RGS12: variants seen among roughly 807,000 people sequenced by gnomAD.
RGS12 encodes the protein regulator of G-protein signaling 12.
A neutral mutation model predicts 120.1 loss-of-function variants in RGS12; 66 were observed. The observed-to-expected ratio is 0.55, with a 90% CI of 0.45 to 0.67. The LOEUF (loss-of-function observed/expected upper bound fraction) is 0.67, where lower values mean the gene tolerates loss of function less well. Ranked by LOEUF, RGS12 falls within the 30% of genes least tolerant of loss-of-function variation. The probability of loss-of-function intolerance (pLI) is 0.00; values close to 1 mark genes in which losing one functional copy is unlikely to be tolerated. For synonymous variants in RGS12, 827 were observed against 804.7 expected, an observed-to-expected ratio of 1.03 and a Z score of -0.47; for missense variants, 1,859 against 1,957.7, an observed-to-expected ratio of 0.95 and a Z score of 0.95.
At chr4:3,371,442 A>G (rs1464546526) in intron 3 of RGS12, among the ~76,000 whole-genome samples, 6 of 152,242 alleles carry the variant, frequency 3.9e-5, no homozygotes. Flanking sequence ...ATCTCAGTGT[A>G]TATCCAGGCA....
At chr4:3,353,442 G>A (rs975768010) in intron 3 of RGS12, among the ~76,000 whole-genome samples, 1 of 152,196 alleles carries the variant, frequency 6.6e-6, no homozygotes, top group Non-Finnish European at 1.5e-5. Context: ...TGTCATCACC[G>A]TGATCCATCT....
upstream of RGS12, among the ~76,000 whole-genome samples, chr4:3,291,798 C>T (rs555379100): frequency 1.3e-5 from 2 of 152,310 alleles, no homozygotes; most frequent in Admixed American, 1.3e-4. Context: ...AAACAGTTCC[C>T]TCCCTGCTGT....
chr4:3,369,939 AC>A, intron 3 of RGS12: 1 of 1,000,944 alleles, frequency 1.0e-6, no homozygotes, highest in Non-Finnish European at 1.2e-6. Context: ...GCTAAAAAAA[AC>A]AAATTCTCTG....
intron 1 of RGS12, among the ~76,000 whole-genome samples, chr4:3,301,564 A>G (rs954830829): frequency 6.6e-6 from 1 of 151,074 alleles, no homozygotes; most frequent in Non-Finnish European, 1.5e-5. Flanking sequence ...CGCCAGGGCC[A>G]GGGATGGAGA....
At chr4:3,383,883 G>A (rs543728913) in intron 3 of RGS12, among the ~76,000 whole-genome samples, 29 of 152,262 alleles carry the variant, frequency 1.9e-4, no homozygotes, top group African/African-American at 7.0e-4. Flanking sequence ...TGGCCTCTGG[G>A]ACACTCCTCT....
intron 1 of RGS12, among the ~76,000 whole-genome samples, chr4:3,305,572 CCATCATGGCAA>C (rs1297853819): frequency 6.6e-6 from 1 of 152,208 alleles, no homozygotes; most frequent in Non-Finnish European, 1.5e-5. Flanking sequence ...AGCCACGGTG[CCATCATGGCAA>C]GCACCACAGG....
rs1725170625 is a variant in RGS12 at position 3,439,798 on chromosome 4, A to G, written c.*114A>G. The G allele has an allele frequency of 4.7e-6, 5 of 1,064,568 alleles. No individual in the cohort carries two copies. The highest frequency in any genetic ancestry group is 1.6e-5 in the African/African-American group (1 of 61,184). The allele number at this position is 1,064,568 out of a possible 1,614,324, so 65.9% of individuals were successfully genotyped here. Reference sequence around the variant, plus strand: ...CCACCACACCCTCAGGAGCCCAGCCAGGAGGGCAGGGGGTGACCTCGCTGG... The same window carrying G: ...CCACCACACCCTCAGGAGCCCAGCCGGGAGGGCAGGGGGTGACCTCGCTGG... On this transcript the variant is annotated 3_prime_UTR_variant, in exon 18 of 18. Transcript: ENST00000336727.
chr4:3,292,020 C>T (rs866056668), upstream of RGS12, among the ~76,000 whole-genome samples: 5 of 152,150 alleles, frequency 3.3e-5, no homozygotes, highest in Admixed American at 1.3e-4. Context: ...GCGTTTTGAG[C>T]CCATCAAGGC....
chr4:3,423,740 G>A (rs532739903), intron 13 of RGS12, 99 bp downstream of exon 13: 57 of 1,441,434 alleles, frequency 4.0e-5, no homozygotes, highest in East Asian at 3.1e-4. Context: ...ACCAAGAAGC[G>A]GTGTCTTCCC....
chr4:3,386,043 CGTGGGCACTGA>C, intron 3 of RGS12: 1 of 272,554 alleles, frequency 3.7e-6, no homozygotes, highest in Non-Finnish European at 6.9e-6. Context: ...CGTCACGGCA[CGTGGGCACTGA>C]GTGGGCTGTT....
At chr4:3,330,679 G>A (rs921411899) in intron 2 of RGS12, among the ~76,000 whole-genome samples, 2 of 152,146 alleles carry the variant, frequency 1.3e-5, no homozygotes, top group East Asian at 3.8e-4. Flanking sequence ...AAAGTAATAC[G>A]AGTTTCTATG....
At position 3,439,073 on chromosome 4, in the gene RGS12, A is replaced by G. The variant is rs372986532; in HGVS notation, c.4115-382A>G. 1.2e-4 allele frequency among the ~76,000 whole-genome samples: 18 copies of G among 151,124 alleles called. No homozygotes were observed. In the East Asian group the frequency reaches 2.4e-3, roughly 20 times the overall value. On this transcript the variant is annotated intron_variant, in intron 17 of 17. Coordinates refer to ENST00000336727, the MANE Select transcript of RGS12 (RefSeq NM_001394154.1). Reference sequence around the variant, plus strand: ...AGCCCCCTGGGGGTGGCCCTTGAGGATGGGCCCTGGGCCTGGGGGGGCCCC... The same window carrying G: ...AGCCCCCTGGGGGTGGCCCTTGAGGGTGGGCCCTGGGCCTGGGGGGGCCCC...
chr4:3,394,574 G>A (rs910279077), intron 4 of RGS12, among the ~76,000 whole-genome samples: 6 of 152,196 alleles, frequency 3.9e-5, no homozygotes, highest in African/African-American at 1.4e-4. Context: ...GATGTAGAAA[G>A]GTGGCTCTAT....
At chr4:3,327,081 A>G (rs866811584) in intron 2 of RGS12, among the ~76,000 whole-genome samples, 3 of 152,364 alleles carry the variant, frequency 2.0e-5, no homozygotes, top group Non-Finnish European at 4.4e-5. Context: ...GTAGTAACCA[A>G]AATAGCATGT....
At chr4:3,416,222 G>A (rs1722384563) in intron 7 of RGS12, 101 bp downstream of exon 7, 6 of 1,364,522 alleles carry the variant, frequency 4.4e-6, no homozygotes, top group East Asian at 2.4e-5. Flanking sequence ...CCAGTGGATC[G>A]AGAGCATCAC....
At chr4:3,428,893 A>C (rs192712259) in intron 16 of RGS12, among the ~76,000 whole-genome samples, 182 bp downstream of exon 16, 7 of 152,104 alleles carry the variant, frequency 4.6e-5, no homozygotes, top group African/African-American at 1.7e-4. Context: ...CCGAAACCCC[A>C]GTTTTGAGAC....
chr4:3,377,429 A>C (rs1352904755), intron 3 of RGS12, among the ~76,000 whole-genome samples: 1 of 152,218 alleles, frequency 6.6e-6, no homozygotes, highest in Non-Finnish European at 1.5e-5. Context: ...GAAAACATTT[A>C]GTGCATTTGA....
intron 3 of RGS12, among the ~76,000 whole-genome samples, chr4:3,343,686 C>G (rs538635945): frequency 6.6e-6 from 1 of 151,970 alleles, no homozygotes. Context: ...ATGTCCGTGC[C>G]GTGCACCCAC....
chr4:3,323,349 A>G (rs1309915366), intron 2 of RGS12, among the ~76,000 whole-genome samples: 1 of 152,252 alleles, frequency 6.6e-6, no homozygotes, highest in Non-Finnish European at 1.5e-5. Flanking sequence ...ACAGCACTGT[A>G]AGAGTCAGAG....
Sources: gnomAD v4.1 joint callset for allele counts (sites outside exome capture counted in the v4.1 genomes callset) on GRCh38, gnomAD v4.1.1 for gene constraint, MANE v1.5 for transcripts, NCBI Gene and HGNC (gene_info 2026-07-23, HGNC 2026-07-21) for gene names.